The following TTC17 variants were observed in gnomAD, a reference collection of about 807,000 sequenced individuals.
TTC17 encodes the protein tetratricopeptide repeat domain 17.
TTC17 carries 58 observed loss-of-function variants against 143.8 expected under a neutral mutation model. The ratio of observed to expected loss-of-function variants is 0.40; its 90% CI spans 0.33 to 0.50. The LOEUF (loss-of-function observed/expected upper bound fraction) is 0.50, where lower values mean the gene tolerates loss of function less well. Among genes scored for constraint, TTC17 ranks in the 20% least tolerant of loss-of-function variants. The pLI is 0.49. For missense variants in TTC17, 1,273 were observed against 1,392.5 expected, an observed-to-expected ratio of 0.91 and a Z score of 1.37; for synonymous variants, 501 against 497.8, an observed-to-expected ratio of 1.01 and a Z score of -0.09.
At chr11:43,447,829 T>C in intron 18 of TTC17, 173 bp from the exon 19 acceptor site, 2 of 690,748 alleles carry the variant, frequency 2.9e-6, no homozygotes, top group South Asian at 2.2e-5. Flanking sequence ...TTTAGTTCCA[T>C]TGCATAATGA....
At chr11:43,481,269 G>C (rs183765217) in intron 21 of TTC17, among the ~76,000 whole-genome samples, 350 of 152,230 alleles carry the variant, frequency 2.3e-3, no homozygotes, top group African/African-American at 8.2e-3. Flanking sequence ...TTGCAAATCT[G>C]TCAACATAAA....
intron 2 of TTC17, among the ~76,000 whole-genome samples, chr11:43,385,823 ATAT>A (rs1857149840): frequency 6.6e-6 from 1 of 151,688 alleles, no homozygotes; most frequent in African/African-American, 2.4e-5. Flanking sequence ...TATGGAAATA[ATAT>A]TATAAATAAC....
intron 1 of TTC17, among the ~76,000 whole-genome samples, chr11:43,372,085 GAA>G (rs2134455394): frequency 6.6e-6 from 1 of 152,088 alleles, no homozygotes; most frequent in African/African-American, 2.4e-5. Flanking sequence ...AAACAAAAAA[GAA>G]AGAAAAAATG....
chr11:43,391,842 C>A lies in TTC17; in HGVS notation c.553C>A (p.Leu185Ile), dbSNP rs761788698. The A allele has an allele frequency of 2.5e-6, 4 of 1,613,550 alleles. No individual in the cohort carries two copies. Among genetic ancestry groups the A allele is most frequent in the Non-Finnish European group, 3.4e-6 (4 of 1,179,874 alleles). Residue 185 changes from leucine to isoleucine, a missense_variant, in exon 5 of 24, where the codon CTT (leucine) becomes ATT (isoleucine). Coordinates refer to ENST00000039989, the MANE Select transcript of TTC17 (RefSeq NM_018259.6). ...TCAGGGTGTACAGGAGAGAGTTAAT[C>A]TTTCTGCACCTCTGCTACCTAAAGA... ...HLRGVQERVN[L>I]SAPLLPKEDP...
intron 1 of TTC17, among the ~76,000 whole-genome samples, chr11:43,373,228 C>T (rs1206917191): frequency 6.6e-6 from 1 of 151,868 alleles, no homozygotes; most frequent in African/African-American, 2.4e-5. Flanking sequence ...ATAAAGAGGG[C>T]TGATTTTGCC....
chr11:43,395,094 T>C (rs1274091959), intron 5 of TTC17, among the ~76,000 whole-genome samples: 1 of 151,462 alleles, frequency 6.6e-6, no homozygotes, highest in Admixed American at 6.6e-5. Flanking sequence ...GTAGTTCATG[T>C]AGAACTTTTT....
chr11:43,463,740 T>C (rs1947914991), intron 21 of TTC17, among the ~76,000 whole-genome samples: 1 of 151,788 alleles, frequency 6.6e-6, no homozygotes, highest in Non-Finnish European at 1.5e-5. Flanking sequence ...GAAGAAACAA[T>C]CAAGAATAAT....
intron 1 of TTC17, among the ~76,000 whole-genome samples, chr11:43,363,337 C>G (rs1427523021): frequency 6.6e-6 from 1 of 151,960 alleles, no homozygotes; most frequent in Non-Finnish European, 1.5e-5. Context: ...GTGAATTTGC[C>G]TAAGAGCCTA....
Position 43,469,762 on chromosome 11 carries a change from T to A in TTC17, c.3030+18497T>A, listed in dbSNP as rs546471810. On this transcript the variant is annotated intron_variant, in intron 21 of 23. Transcript: ENST00000039989. ...TTGGATATTTCTGTGTCTTTGTTAC[T>A]TAATTGTCGAAAGTGAATGTTACAC... is the stretch of plus-strand genomic sequence containing the variant. 7.2e-5 allele frequency among the ~76,000 whole-genome samples: 11 copies of A among 152,346 alleles called. No individual in the cohort carries two copies. The South Asian group carries it at 2.3e-3, about 32-fold the overall frequency.
Position 43,407,138 on chromosome 11 carries a change from AT to A in TTC17, c.1766del (p.Leu589CysfsTer44). 6.4e-7 allele frequency: 1 copy of A among 1,567,436 alleles called. No individual in the cohort carries two copies. The highest frequency in any genetic ancestry group is 8.6e-7 in the Non-Finnish European group (1 of 1,161,926). ...AKMPDDHARKILLSRINNYTI... is the reference protein window; with the variant it reads ...AKMPDDHARKXLLSRINNYTI... ...GTCAGTCTTCCTTTTGATGTTTCAG[AT>A]TTTGCTTTCCCGTATTAATAACTAT... On this transcript the variant is annotated frameshift_variant and splice_region_variant, in exon 14 of 24. Transcript: ENST00000039989. LOFTEE classifies it high-confidence loss of function.
chr11:43,403,674 A>G (rs1857974076), intron 10 of TTC17, among the ~76,000 whole-genome samples: 1 of 152,214 alleles, frequency 6.6e-6, no homozygotes, highest in Admixed American at 6.5e-5. Context: ...GAAAAGGGGA[A>G]TAATGAACCA....
At chr11:43,446,071 G>T (rs1565171049) in intron 18 of TTC17, 3 of 1,509,782 alleles carry the variant, frequency 2.0e-6, no homozygotes, top group Non-Finnish European at 2.7e-6. Context: ...TTGCCTACAG[G>T]ATAAAATTCA....
At position 43,437,506 on chromosome 11, in the gene TTC17, A is replaced by G. The variant is rs543502638; in HGVS notation, c.2252-5819A>G. On this transcript the variant is annotated intron_variant, in intron 16 of 23. Coordinates refer to ENST00000039989, the MANE Select transcript of TTC17 (RefSeq NM_018259.6). ...CTGTTAACTAACTTTTTGTGCGTCC[A>G]AAGAGTTGTTTCTAAAATGTAAATC... Among the ~76,000 whole-genome samples, 79 of 152,306 alleles carry G rather than the reference A, an allele frequency of 5.2e-4. 2 individuals carry two copies. In the South Asian group the frequency reaches 0.016, roughly 31 times the overall value.
At chr11:43,362,159 GTGTGTGTGTGTGTGT>G (rs1856138578) in intron 1 of TTC17, among the ~76,000 whole-genome samples, 1 of 123,546 alleles carries the variant, frequency 8.1e-6, no homozygotes, top group Non-Finnish European at 1.8e-5. Context: ...TTGTGTGTGT[GTGTGTGTGTGTGTGT>G]GTGTGTGTGT....
Position 43,398,133 on chromosome 11 carries a change from T to A in TTC17, c.1058+20T>A. 1 of 1,613,414 alleles carries A rather than the reference T, an allele frequency of 6.2e-7. No individual in the cohort carries two copies. The highest frequency in any genetic ancestry group is 1.7e-5 in the Admixed American group (1 of 59,980). ...GCATAGGTAATTGAGAGGAAAAATT[T>A]CACTCAAGCATTAGCACTATCGAAC... is the stretch of plus-strand genomic sequence containing the variant. On this transcript the variant is annotated intron_variant, in intron 8 of 23. Transcript: ENST00000039989.
chr11:43,392,582 A>C lies in TTC17; in HGVS notation c.663+630A>C, dbSNP rs74675611. On this transcript the variant is annotated intron_variant, in intron 5 of 23. Coordinates refer to ENST00000039989, the MANE Select transcript of TTC17 (RefSeq NM_018259.6). ...GCCACCTTTGTATACAGTTTTTTCA[A>C]ATACATAGCTTTGTATATTGAGAGG... Among the ~76,000 whole-genome samples the C allele has an allele frequency of 6.2e-3, 941 of 152,320 alleles. 13 individuals carry two copies. Among genetic ancestry groups the C allele is most frequent in the African/African-American group, 0.021 (888 of 41,572 alleles).
At chr11:43,396,592 C>T (rs1395661776) in intron 5 of TTC17, 117 bp from the exon 6 acceptor site, 1 of 519,336 alleles carries the variant, frequency 1.9e-6, no homozygotes, top group East Asian at 2.9e-5. Flanking sequence ...ATCATTCAGT[C>T]TGGCTCTTCT....
At chr11:43,398,364 T>G (rs1408419238) in intron 8 of TTC17, among the ~76,000 whole-genome samples, 2 of 152,220 alleles carry the variant, frequency 1.3e-5, no homozygotes, top group Admixed American at 6.5e-5. Flanking sequence ...ACTTAAATGT[T>G]TACAATTTTG....
chr11:43,402,036 G>A (rs762083834), intron 10 of TTC17, among the ~76,000 whole-genome samples: 18 of 149,470 alleles, frequency 1.2e-4, no homozygotes, highest in Non-Finnish European at 4.5e-5. Context: ...AATAAAGAGC[G>A]AGAGAGAGAT....
Sources: allele counts gnomAD v4.1 joint callset (sites outside exome capture counted in the v4.1 genomes callset), GRCh38; gene constraint gnomAD v4.1.1; transcripts MANE v1.5; gene names NCBI Gene and HGNC (gene_info 2026-07-23, HGNC 2026-07-21).